Variants in PDZD9 observed in about 807,000 individuals in gnomAD.
PDZD9 encodes the protein PDZ domain containing 9.
A neutral mutation model predicts 16.3 loss-of-function variants in PDZD9; 13 were observed. The ratio of observed to expected loss-of-function variants is 0.80; its 90% CI spans 0.52 to 1.27. The LOEUF (loss-of-function observed/expected upper bound fraction) is 1.27. PDZD9 is among the 50% of genes most tolerant of loss of function. The pLI is 0.00. For synonymous variants in PDZD9, 120 were observed against 111.0 expected, an observed-to-expected ratio of 1.08 and a Z score of -0.51; for missense variants, 288 against 310.9, an observed-to-expected ratio of 0.93 and a Z score of 0.55.
intron 1 of PDZD9, among the ~76,000 whole-genome samples, chr16:22,000,778 C>G (rs1486349497): frequency 6.6e-6 from 1 of 151,386 alleles, no homozygotes; most frequent in Non-Finnish European, 1.5e-5. Flanking sequence ...GAGCTGAGAT[C>G]GCGCCACTGC....
the PDZD9 span, among the ~76,000 whole-genome samples, chr16:21,960,538 A>T: frequency 6.6e-6 from 1 of 152,194 alleles, no homozygotes; most frequent in Non-Finnish European, 1.5e-5. Flanking sequence ...TAGCACTATT[A>T]GTTTTCTTCA....
At chr16:21,988,200 G>C (rs1898929915) in intron 3 of PDZD9, among the ~76,000 whole-genome samples, 1 of 151,744 alleles carries the variant, frequency 6.6e-6, no homozygotes, top group Non-Finnish European at 1.5e-5. Flanking sequence ...AGTAGAGACG[G>C]GGTTTCACCA....
downstream of PDZD9, among the ~76,000 whole-genome samples, chr16:21,982,361 G>A (rs1385120727): frequency 6.6e-6 from 1 of 152,116 alleles, no homozygotes; most frequent in African/African-American, 2.4e-5. Flanking sequence ...AGGGTATCAA[G>A]TTTTACTTTT....
At chr16:21,961,364 C>A in the PDZD9 span, 2 of 443,058 alleles carry the variant, frequency 4.5e-6, no homozygotes, top group Non-Finnish European at 9.1e-6. Context: ...ATGATGAGAC[C>A]ACTATACAGC....
chr16:21,964,839 G>A, the PDZD9 span, among the ~76,000 whole-genome samples: 1 of 152,172 alleles, frequency 6.6e-6, no homozygotes. Flanking sequence ...CTAGCACAGT[G>A]CCTCGCATAG....
At chr16:21,980,641 A>G (rs1406117864), downstream of PDZD9, 5 of 1,614,214 alleles carry the variant, frequency 3.1e-6, no homozygotes, top group Non-Finnish European at 4.2e-6. Flanking sequence ...TGGTTCTTAC[A>G]TGCCACCATC....
At chr16:21,987,235 CGTG>C (rs1298222569) in intron 3 of PDZD9, among the ~76,000 whole-genome samples, 2 of 152,082 alleles carry the variant, frequency 1.3e-5, no homozygotes, top group Non-Finnish European at 2.9e-5. Flanking sequence ...GCCTGGCCAA[CGTG>C]GTGAAACTTC....
chr16:21,989,762 G>T (rs975094303), intron 2 of PDZD9, among the ~76,000 whole-genome samples: 10 of 152,152 alleles, frequency 6.6e-5, no homozygotes, highest in African/African-American at 7.2e-5. Flanking sequence ...AAACAAGATG[G>T]GCAACCATGC....
chr16:21,978,212 C>G, the PDZD9 span, among the ~76,000 whole-genome samples: 1 of 151,968 alleles, frequency 6.6e-6, no homozygotes, highest in South Asian at 2.1e-4. Context: ...GTGTCATTGC[C>G]GAAAGGACAC....
chr16:21,993,607 C>T (rs1899076182), intron 2 of PDZD9, among the ~76,000 whole-genome samples: 1 of 152,118 alleles, frequency 6.6e-6, no homozygotes, highest in South Asian at 2.1e-4. Context: ...ACATAAACTG[C>T]CCTGTCCCAG....
At chr16:21,962,391 TAGA>T in the PDZD9 span, 1 of 1,569,010 alleles carries the variant, frequency 6.4e-7, no homozygotes, top group Non-Finnish European at 8.8e-7. Flanking sequence ...AATTGGTTGA[TAGA>T]AGATTATAAG....
At chr16:21,963,014 A>AGTCTCACTCT in the PDZD9 span, 3 of 1,220,552 alleles carry the variant, frequency 2.5e-6, no homozygotes, top group Middle Eastern at 3.0e-4. Context: ...TTTGAGACAG[A>AGTCTCACTCT]GTCTCACTCT....
chr16:21,970,584 TTTTG>T, the PDZD9 span, among the ~76,000 whole-genome samples: 4 of 152,150 alleles, frequency 2.6e-5, no homozygotes, highest in South Asian at 2.1e-4. Context: ...GTATAACTTT[TTTTG>T]TTTGTTTGTT....
At chr16:21,997,777 G>A (rs1899187506) in intron 1 of PDZD9, among the ~76,000 whole-genome samples, 1 of 152,156 alleles carries the variant, frequency 6.6e-6, no homozygotes, top group African/African-American at 2.4e-5. Context: ...ACTCCTTTTC[G>A]GTACACAGGA....
chr16:21,983,279 G>A, downstream of PDZD9: 1 of 895,708 alleles, frequency 1.1e-6, no homozygotes, highest in Admixed American at 2.6e-5. Flanking sequence ...TTTCCAGTGA[G>A]GTAAAATAAG....
the PDZD9 span, chr16:21,959,603 A>G: frequency 6.5e-6 from 1 of 152,854 alleles, no homozygotes; most frequent in East Asian, 1.9e-4. Context: ...ATACTTTGAC[A>G]TCCTCCCATG....
At chr16:21,996,970 G>A (rs1351642229) in intron 1 of PDZD9, among the ~76,000 whole-genome samples, 2 of 152,124 alleles carry the variant, frequency 1.3e-5, no homozygotes, top group African/African-American at 2.4e-5. Flanking sequence ...CTACTGGCAT[G>A]TGCTACTATA....
downstream of PDZD9, among the ~76,000 whole-genome samples, chr16:21,981,099 C>CTG (rs1197737482): frequency 6.6e-6 from 1 of 152,152 alleles, no homozygotes; most frequent in African/African-American, 2.4e-5. Flanking sequence ...TATGATCCAA[C>CTG]CTAAATAGTG....
the PDZD9 span, chr16:21,973,886 T>C: frequency 6.2e-7 from 1 of 1,612,102 alleles, no homozygotes; most frequent in Admixed American, 1.7e-5. Context: ...AAAGTCTCAT[T>C]ATCTTTCAGG....
Sources: allele counts gnomAD v4.1 joint callset (sites outside exome capture counted in the v4.1 genomes callset), GRCh38; gene constraint gnomAD v4.1.1; transcripts MANE v1.5; gene names NCBI Gene and HGNC (gene_info 2026-07-23, HGNC 2026-07-21).